The following ST6GALNAC3 variants were observed in gnomAD, a reference collection of about 807,000 sequenced individuals.
ST6GALNAC3 encodes the protein alpha-N-acetylgalactosaminide alpha-2,6-sialyltransferase 3.
In ST6GALNAC3, 25 loss-of-function variants were observed where a neutral mutation model predicts 32.7. The ratio of observed to expected loss-of-function variants is 0.76; its 90% CI spans 0.56 to 1.07. The LOEUF is 1.07. Among genes scored for constraint, ST6GALNAC3 ranks in the 50% least tolerant of loss-of-function variants. The pLI is 0.00. For missense variants in ST6GALNAC3, 355 were observed against 382.4 expected (o/e 0.93, Z 0.60); for synonymous variants, 129 against 133.1 (o/e 0.97, Z 0.21).
At chr1:76,271,388 A>G (rs894737753) in intron 1 of ST6GALNAC3, among the ~76,000 whole-genome samples, 1 of 152,242 alleles carries the variant, frequency 6.6e-6, no homozygotes, top group Non-Finnish European at 1.5e-5. Context: ...ATAATTATTC[A>G]CAATTATTTA....
chr1:76,112,757 C>T (rs1197328579), intron 1 of ST6GALNAC3, among the ~76,000 whole-genome samples: 2 of 150,294 alleles, frequency 1.3e-5, no homozygotes, highest in Admixed American at 6.6e-5. Flanking sequence ...AGGGCAGAGG[C>T]GCTCCCCACA....
chr1:76,116,490 C>T (rs1306007515), intron 1 of ST6GALNAC3, among the ~76,000 whole-genome samples: 1 of 152,102 alleles, frequency 6.6e-6, no homozygotes, highest in East Asian at 1.9e-4. Context: ...TGTGTCCCAA[C>T]CACAGATGAT....
intron 3 of ST6GALNAC3, among the ~76,000 whole-genome samples, chr1:76,587,031 C>T (rs964341802): frequency 1.3e-5 from 2 of 152,144 alleles, no homozygotes; most frequent in Admixed American, 6.5e-5. Context: ...GCAGTCAGTT[C>T]GTTGGATGAT....
rs140048239 is a variant in ST6GALNAC3 at position 76,090,926 on chromosome 1, A to T, written c.18+16042A>T. On this transcript the variant is annotated intron_variant, in intron 1 of 4. Transcript: ENST00000328299. ...TAGAATATTCTTCTATTGTCTTTTT[A>T]GAGTGCTCAGAGTCCCTGCATTGCC... Among the ~76,000 whole-genome samples the T allele has an allele frequency of 3.1e-4, 47 of 152,328 alleles. No individual in the cohort carries two copies. In the East Asian group the frequency reaches 8.9e-3, roughly 29 times the overall value.
intron 2 of ST6GALNAC3, among the ~76,000 whole-genome samples, chr1:76,406,929 T>C (rs1015070686): frequency 1.3e-5 from 2 of 152,032 alleles, no homozygotes; most frequent in African/African-American, 4.8e-5. Context: ...AATAATGTAA[T>C]AAAGTACTGA....
At chr1:76,333,724 A>C (rs1434340387) in intron 2 of ST6GALNAC3, among the ~76,000 whole-genome samples, 2 of 152,184 alleles carry the variant, frequency 1.3e-5, no homozygotes, top group Non-Finnish European at 2.9e-5. Flanking sequence ...ACTTTTAAAA[A>C]TCTTTCAATT....
chr1:76,344,380 C>T (rs1351683235), intron 2 of ST6GALNAC3, among the ~76,000 whole-genome samples: 1 of 152,172 alleles, frequency 6.6e-6, no homozygotes, highest in Non-Finnish European at 1.5e-5. Flanking sequence ...TTCCTGGTCC[C>T]CCACCCTCCT....
intron 2 of ST6GALNAC3, among the ~76,000 whole-genome samples, chr1:76,400,540 G>A (rs953231136): frequency 9.2e-5 from 14 of 152,244 alleles, no homozygotes; most frequent in Non-Finnish European, 1.9e-4. Context: ...TGATTTTTTA[G>A]AATATAAGTG....
chr1:76,426,140 C>T (rs1263419371), intron 3 of ST6GALNAC3, among the ~76,000 whole-genome samples: 1 of 151,742 alleles, frequency 6.6e-6, no homozygotes, highest in East Asian at 1.9e-4. Context: ...AACACTCTCC[C>T]ACCCCCAACT....
chr1:76,466,489 G>C (rs1658639823), intron 3 of ST6GALNAC3, among the ~76,000 whole-genome samples: 1 of 152,046 alleles, frequency 6.6e-6, no homozygotes, highest in African/African-American at 2.4e-5. Flanking sequence ...CATTTTTAAA[G>C]TGCAATACTG....
At chr1:76,443,193 C>T (rs1656737584) in intron 3 of ST6GALNAC3, among the ~76,000 whole-genome samples, 1 of 152,008 alleles carries the variant, frequency 6.6e-6, no homozygotes. Context: ...CTCACTCTGT[C>T]CAAGCTGTAG....
chr1:76,148,064 C>G (rs1650800556), intron 1 of ST6GALNAC3, among the ~76,000 whole-genome samples: 2 of 152,152 alleles, frequency 1.3e-5, no homozygotes, highest in Admixed American at 1.3e-4. Flanking sequence ...CCTCTTACAT[C>G]ACTGTGGAAT....
intron 3 of ST6GALNAC3, among the ~76,000 whole-genome samples, chr1:76,469,485 G>A (rs1015374798): frequency 3.9e-5 from 6 of 152,078 alleles, no homozygotes; most frequent in African/African-American, 1.4e-4. Context: ...CCAGTTAAAA[G>A]TATTAAGGTA....
intron 3 of ST6GALNAC3, among the ~76,000 whole-genome samples, chr1:76,420,153 C>T (rs1654933074): frequency 6.6e-6 from 1 of 152,030 alleles, no homozygotes; most frequent in Non-Finnish European, 1.5e-5. Flanking sequence ...CCTGCTGACC[C>T]AAATGATTTG....
chr1:76,359,841 G>C (rs1462934884), intron 2 of ST6GALNAC3, among the ~76,000 whole-genome samples: 1 of 152,198 alleles, frequency 6.6e-6, no homozygotes, highest in African/African-American at 2.4e-5. Flanking sequence ...TGAATGATTA[G>C]ACTTACAGAG....
chr1:76,431,027 A>C (rs1288182223), intron 3 of ST6GALNAC3, among the ~76,000 whole-genome samples: 5 of 152,114 alleles, frequency 3.3e-5, no homozygotes, highest in Non-Finnish European at 7.4e-5. Flanking sequence ...TTTAGCTGAG[A>C]GTTTAAGGGA....
At chr1:76,179,379 T>C (rs1003965257) in intron 1 of ST6GALNAC3, among the ~76,000 whole-genome samples, 3 of 152,158 alleles carry the variant, frequency 2.0e-5, no homozygotes, top group Admixed American at 1.3e-4. Context: ...CATGTTAAAA[T>C]AGTGAATCCC....
intron 3 of ST6GALNAC3, among the ~76,000 whole-genome samples, chr1:76,439,856 A>G (rs1656417921): frequency 6.6e-6 from 1 of 152,212 alleles, no homozygotes; most frequent in Non-Finnish European, 1.5e-5. Context: ...AGCAGCTTCC[A>G]CTTACCATCA....
chr1:76,329,736 C>A (rs997173596), intron 2 of ST6GALNAC3, among the ~76,000 whole-genome samples: 10 of 152,120 alleles, frequency 6.6e-5, no homozygotes, highest in African/African-American at 2.4e-4. Context: ...CACATCATTT[C>A]ATGTAACAAA....
Sources: gnomAD v4.1 joint callset for allele counts (sites outside exome capture counted in the v4.1 genomes callset) on GRCh38, gnomAD v4.1.1 for gene constraint, MANE v1.5 for transcripts, NCBI Gene and HGNC (gene_info 2026-07-23, HGNC 2026-07-21) for gene names.